SHB: variants seen among roughly 807,000 people sequenced by gnomAD.
SHB encodes the protein SH2 domain-containing adapter protein B.
A neutral mutation model predicts 52.3 loss-of-function variants in SHB; 20 were observed. The observed-to-expected ratio is 0.38, with a 90% CI of 0.27 to 0.56. The LOEUF is 0.56. Ranked by LOEUF, SHB falls within the 20% of genes least tolerant of loss-of-function variation. The pLI is 0.71. For synonymous variants in SHB, 397 were observed against 316.5 expected (o/e 1.25, Z -2.70); for missense variants, 825 against 723.3 (o/e 1.14, Z -1.61).
chr9:38,056,441 C>T (rs1224416051), intron 1 of SHB, among the ~76,000 whole-genome samples: 1 of 152,204 alleles, frequency 6.6e-6, no homozygotes, highest in Non-Finnish European at 1.5e-5. Flanking sequence ...AAGCAATTCT[C>T]GTGCCTCAGC....
At chr9:37,966,297 G>GT (rs1554701232) in intron 3 of SHB, among the ~76,000 whole-genome samples, 3 of 151,936 alleles carry the variant, frequency 2.0e-5, no homozygotes, top group South Asian at 4.2e-4. Flanking sequence ...TCAAATCTTT[G>GT]TTTTTTTTCC....
chr9:37,991,018 T>A (rs1820874303), intron 2 of SHB, among the ~76,000 whole-genome samples: 1 of 152,248 alleles, frequency 6.6e-6, no homozygotes, highest in Non-Finnish European at 1.5e-5. Context: ...TTTTACCTCC[T>A]ATAAGCCTGT....
intron 3 of SHB, among the ~76,000 whole-genome samples, chr9:37,961,127 T>C (rs1237734210): frequency 6.6e-6 from 1 of 152,228 alleles, no homozygotes; most frequent in Non-Finnish European, 1.5e-5. Flanking sequence ...CTTACCCTGA[T>C]GCCACCTGCA....
rs535642272 is a variant in SHB, at chr9:37,921,413, C to A, written c.1347-1409G>T. On this transcript the variant is annotated intron_variant, in intron 5 of 5. Transcript: ENST00000377707. ...CTTACAAGTGCCCACTCTATTAACACCTTAATTTGGGCTCCAGGACCATTT... is the reference window on the plus strand; with the variant it reads ...CTTACAAGTGCCCACTCTATTAACAACTTAATTTGGGCTCCAGGACCATTT... 5.3e-5 allele frequency among the ~76,000 whole-genome samples: 8 copies of A among 152,338 alleles called. No homozygotes were observed. The South Asian group carries it at 1.7e-3, about 32-fold the overall frequency.
At chr9:38,000,642 G>C (rs2118039072) in intron 2 of SHB, among the ~76,000 whole-genome samples, 1 of 152,360 alleles carries the variant, frequency 6.6e-6, no homozygotes, top group African/African-American at 2.4e-5. Context: ...ACAGTCCATT[G>C]GGAAATGCAG....
At chr9:38,037,051 C>G (rs1422881298) in intron 1 of SHB, among the ~76,000 whole-genome samples, 6 of 152,166 alleles carry the variant, frequency 3.9e-5, no homozygotes, top group Non-Finnish European at 8.8e-5. Flanking sequence ...GTGCAGGACC[C>G]CGCAGCACGG....
At chr9:37,935,919 A>G (rs574876597) in intron 5 of SHB, among the ~76,000 whole-genome samples, 33 of 122,054 alleles carry the variant, frequency 2.7e-4, no homozygotes, top group East Asian at 9.9e-4. Context: ...GCTCTGCCTC[A>G]TTAAAGAAAA....
intron 3 of SHB, among the ~76,000 whole-genome samples, chr9:37,958,306 G>GAC (rs1177628318): frequency 8.5e-5 from 13 of 152,228 alleles, no homozygotes; most frequent in Non-Finnish European, 1.5e-4. Context: ...TGCACCATGA[G>GAC]AGGAGGACTA....
chr9:38,011,897 T>C (rs1038336514), intron 2 of SHB, among the ~76,000 whole-genome samples: 3 of 152,168 alleles, frequency 2.0e-5, no homozygotes, highest in Admixed American at 1.3e-4. Context: ...CCAGAGATGC[T>C]GCTGGGGTGA....
chr9:37,968,789 C>T (rs1173908858), intron 3 of SHB, among the ~76,000 whole-genome samples: 1 of 152,216 alleles, frequency 6.6e-6, no homozygotes, highest in Non-Finnish European at 1.5e-5. Context: ...AAATGCTGGT[C>T]ATTCCTCTAT....
intron 4 of SHB, among the ~76,000 whole-genome samples, chr9:37,955,663 T>C (rs1422183778): frequency 6.6e-6 from 1 of 151,764 alleles, no homozygotes; most frequent in Non-Finnish European, 1.5e-5. Flanking sequence ...TTTTTTTTTC[T>C]TTTTTTTGTA....
chr9:38,027,045 C>T (rs1299854078), intron 1 of SHB, among the ~76,000 whole-genome samples: 1 of 152,224 alleles, frequency 6.6e-6, no homozygotes, highest in Non-Finnish European at 1.5e-5. Context: ...AGGGCCCTTC[C>T]CACCCTGCCC....
Position 37,919,704 on chromosome 9 carries a change from T to G in SHB, c.*117A>C. The stretch of plus-strand genomic sequence containing the variant: ...CTAGAGACATGCAGTGGTGTGCTAG[T>G]ACCATACACACAACACAAACGACAC... On this transcript the variant is annotated 3_prime_UTR_variant, in exon 6 of 6. Transcript: ENST00000377707. The G allele has an allele frequency of 1.3e-6, 1 of 763,530 alleles. No homozygotes were observed. Among genetic ancestry groups the G allele is most frequent in the Admixed American group, 2.3e-5 (1 of 43,434 alleles). The allele number at this position is 763,530 out of a possible 1,614,324, so 47.3% of individuals were successfully genotyped here.
intron 5 of SHB, among the ~76,000 whole-genome samples, chr9:37,945,238 C>T (rs572200604): frequency 6.6e-6 from 1 of 152,330 alleles, no homozygotes; most frequent in East Asian, 1.9e-4. Context: ...TGCCATTCCC[C>T]ACCCACCCCT....
In SHB at chr9:37,916,849, A is replaced by T. The variant is rs913630028; in HGVS notation, c.*2972T>A. Reference sequence around the variant, plus strand: ...CCTTGACTCCTCAGCGCTCAAGGACAGAGTTGCTCAAGTGGGCAGGCATTA... The same window carrying T: ...CCTTGACTCCTCAGCGCTCAAGGACTGAGTTGCTCAAGTGGGCAGGCATTA... On this transcript the variant is annotated 3_prime_UTR_variant, in exon 6 of 6. Coordinates refer to ENST00000377707, the MANE Select transcript of SHB (RefSeq NM_003028.3). Among the ~76,000 whole-genome samples the T allele has an allele frequency of 6.6e-6, 1 of 152,208 alleles. No homozygotes were observed. The highest frequency in any genetic ancestry group is 2.4e-5 in the African/African-American group (1 of 41,452).
chr9:37,947,633 G>T (rs1587205432), intron 5 of SHB, among the ~76,000 whole-genome samples: 1 of 152,234 alleles, frequency 6.6e-6, no homozygotes, highest in South Asian at 2.1e-4. Flanking sequence ...GAAGTTGTGG[G>T]GGGAGGGGTC....
chr9:37,957,389 G>C (rs1383573762), intron 3 of SHB, among the ~76,000 whole-genome samples: 2 of 152,220 alleles, frequency 1.3e-5, no homozygotes, highest in African/African-American at 2.4e-5. Context: ...GGAGCGTGAT[G>C]AACCTGTTCT....
At chr9:38,035,888 G>A (rs1232448371) in intron 1 of SHB, among the ~76,000 whole-genome samples, 1 of 152,072 alleles carries the variant, frequency 6.6e-6, no homozygotes, top group Non-Finnish European at 1.5e-5. Flanking sequence ...TGGGGCCTGG[G>A]ATTAGTATTT....
At chr9:38,016,185 A>G (rs1821209114) in intron 1 of SHB, 54 bp from the exon 2 acceptor site, 40 of 1,599,652 alleles carry the variant, frequency 2.5e-5, no homozygotes, top group Non-Finnish European at 3.2e-5. Flanking sequence ...TTTGTTTCAC[A>G]TCTCTTCACA....
Sources: gnomAD v4.1 joint callset for allele counts (sites outside exome capture counted in the v4.1 genomes callset) on GRCh38, gnomAD v4.1.1 for gene constraint, MANE v1.5 for transcripts, NCBI Gene and HGNC (gene_info 2026-07-23, HGNC 2026-07-21) for gene names.